The following EYS variants were observed in gnomAD, a reference collection of about 807,000 sequenced individuals.
EYS encodes EGF-like photoreceptor maintenance factor, also known as protein eyes shut homolog.
Under a neutral mutation model 282.1 loss-of-function variants are expected in EYS, and 250 were observed. The observed-to-expected ratio is 0.89, with a 90% confidence interval of 0.80 to 0.98. EYS has a LOEUF of 0.98. Ranked by LOEUF, EYS falls within the 50% of genes least tolerant of loss-of-function variation. The probability of loss-of-function intolerance (pLI) is 0.00; values close to 1 mark genes in which losing one functional copy is unlikely to be tolerated. For missense variants in EYS, 4,016 were observed against 3,709.0 expected, an observed-to-expected ratio of 1.08 and a Z score of -2.15; for synonymous variants, 1,355 against 1,282.9, an observed-to-expected ratio of 1.06 and a Z score of -1.20.
chr6:64,816,939 G>C (rs1052397087), intron 21 of EYS, among the ~76,000 whole-genome samples: 15 of 151,184 alleles, frequency 9.9e-5, no homozygotes, highest in African/African-American at 3.4e-4. Flanking sequence ...TAAGAAGAAA[G>C]TAGAACAATA....
intron 12 of EYS, among the ~76,000 whole-genome samples, chr6:65,091,328 T>C (rs1416277412): frequency 6.8e-6 from 1 of 146,852 alleles, no homozygotes; most frequent in Non-Finnish European, 1.5e-5. Flanking sequence ...TAGGCACCTG[T>C]AATCCCAGCT....
chr6:64,689,958 G>A (rs372142349), intron 22 of EYS, among the ~76,000 whole-genome samples: 6 of 152,052 alleles, frequency 3.9e-5, no homozygotes, highest in East Asian at 1.9e-4. Context: ...AATGGCAACA[G>A]AAGCCAAAAT....
Position 64,031,641 on chromosome 6 carries a change from C to T in EYS, c.6726-32458G>A, listed in dbSNP as rs1020864645. 2.0e-5 allele frequency among the ~76,000 whole-genome samples: 3 copies of T among 152,150 alleles called. No individual in the cohort carries two copies. In the South Asian group the frequency reaches 6.2e-4, roughly 32 times the overall value. On this transcript the variant is annotated intron_variant, in intron 33 of 42. Transcript: ENST00000503581. Reference sequence around the variant, plus strand: ...ATGTCTAGCTAAGGGATTGTAAATGCACCAATCAGCACCCTGTGTCTAGCT... The same window carrying T: ...ATGTCTAGCTAAGGGATTGTAAATGTACCAATCAGCACCCTGTGTCTAGCT...
intron 36 of EYS, among the ~76,000 whole-genome samples, chr6:63,861,314 C>A (rs1014169218): frequency 6.6e-5 from 10 of 152,152 alleles, no homozygotes; most frequent in African/African-American, 2.2e-4. Context: ...TATTATATCT[C>A]CAGAAGAGAT....
At chr6:64,502,594 A>G (rs1777091066) in intron 26 of EYS, among the ~76,000 whole-genome samples, 2 of 151,916 alleles carry the variant, frequency 1.3e-5, no homozygotes, top group Non-Finnish European at 2.9e-5. Flanking sequence ...TCAAAACAAT[A>G]TTTTTCTATT....
intron 29 of EYS, among the ~76,000 whole-genome samples, chr6:64,361,992 A>T (rs1430429535): frequency 1.3e-5 from 2 of 151,764 alleles, no homozygotes; most frequent in African/African-American, 4.8e-5. Context: ...GTTTAGTCAA[A>T]TTTTTCCAGA....
intron 5 of EYS, among the ~76,000 whole-genome samples, chr6:65,436,514 T>A (rs1768081337): frequency 6.6e-6 from 1 of 152,138 alleles, no homozygotes; most frequent in South Asian, 2.1e-4. Flanking sequence ...TCCCAGCATT[T>A]TTCATTTCAG....
chr6:64,514,948 C>T (rs1040550385), intron 26 of EYS, among the ~76,000 whole-genome samples: 13 of 151,698 alleles, frequency 8.6e-5, no homozygotes, highest in Admixed American at 7.2e-4. Context: ...ACATTATAAA[C>T]GTGTAAGACT....
intron 22 of EYS, among the ~76,000 whole-genome samples, chr6:64,771,286 A>G (rs1397510237): frequency 3.3e-5 from 5 of 151,746 alleles, no homozygotes; most frequent in Non-Finnish European, 7.4e-5. Flanking sequence ...GAATTGCCAA[A>G]TATTTGCCTA....
chr6:65,316,824 G>A (rs1769307248), intron 11 of EYS, among the ~76,000 whole-genome samples: 7 of 152,224 alleles, frequency 4.6e-5, no homozygotes, highest in Admixed American at 4.6e-4. Context: ...CTTTGTTGTG[G>A]CTGCATAGTA....
At chr6:65,131,367 T>C (rs1775871391) in intron 12 of EYS, among the ~76,000 whole-genome samples, 1 of 151,854 alleles carries the variant, frequency 6.6e-6, no homozygotes, top group African/African-American at 2.4e-5. Context: ...ACTGAAATCA[T>C]ACCAAAGACA....
intron 22 of EYS, among the ~76,000 whole-genome samples, chr6:64,774,571 T>A (rs1214873161): frequency 1.3e-5 from 2 of 151,844 alleles, no homozygotes; most frequent in Non-Finnish European, 2.9e-5. Context: ...GTGGCTTAAG[T>A]TAGTTAATAG....
chr6:64,931,948 C>A (rs563051199), intron 15 of EYS, among the ~76,000 whole-genome samples: 1 of 152,180 alleles, frequency 6.6e-6, no homozygotes, highest in African/African-American at 2.4e-5. Context: ...TTGATAGAAT[C>A]ATTTCTGTAA....
At chr6:64,311,695 G>T (rs1481701301) in intron 29 of EYS, among the ~76,000 whole-genome samples, 3 of 152,210 alleles carry the variant, frequency 2.0e-5, no homozygotes, top group African/African-American at 7.2e-5. Context: ...CATTGGGACT[G>T]GTTGGACAGT....
chr6:64,678,739 CTT>C (rs1442823750), intron 22 of EYS, among the ~76,000 whole-genome samples: 2 of 152,064 alleles, frequency 1.3e-5, no homozygotes, highest in African/African-American at 4.8e-5. Context: ...CATCCCAGCA[CTT>C]TGGGAGGCCG....
intron 34 of EYS, among the ~76,000 whole-genome samples, chr6:63,991,596 G>C (rs1007251723): frequency 1.3e-5 from 2 of 151,382 alleles, no homozygotes; most frequent in Admixed American, 6.6e-5. Context: ...CGGCAGGCTT[G>C]GTCAAGCAGA....
intron 8 of EYS, among the ~76,000 whole-genome samples, chr6:65,379,315 T>A (rs74477793): frequency 0.011 from 1,716 of 152,124 alleles, 36 homozygotes; most frequent in African/African-American, 0.039. Context: ...GTTCAACATA[T>A]GCAAATCAAT....
chr6:64,769,131 A>G (rs139386639), intron 22 of EYS, among the ~76,000 whole-genome samples: 1 of 152,228 alleles, frequency 6.6e-6, no homozygotes, highest in African/African-American at 2.4e-5. Flanking sequence ...TGAAAACTAC[A>G]TGGCGTAATG....
At chr6:64,932,578 G>A (rs1434417149) in intron 15 of EYS, among the ~76,000 whole-genome samples, 1 of 151,834 alleles carries the variant, frequency 6.6e-6, no homozygotes, top group Admixed American at 6.6e-5. Flanking sequence ...AAACATCACA[G>A]CATGCAAGTC....
Sources: allele counts gnomAD v4.1 joint callset (sites outside exome capture counted in the v4.1 genomes callset), GRCh38; gene constraint gnomAD v4.1.1; transcripts MANE v1.5; gene names NCBI Gene and HGNC (gene_info 2026-07-23, HGNC 2026-07-21).